Variants in KIAA1217 observed in about 807,000 individuals in gnomAD.
KIAA1217 encodes KIAA1217.
Under a neutral mutation model 163.9 loss-of-function variants are expected in KIAA1217, and 88 were observed. The ratio of observed to expected loss-of-function variants is 0.54; its 90% CI spans 0.45 to 0.64. The LOEUF (loss-of-function observed/expected upper bound fraction) is 0.64, where lower values mean the gene tolerates loss of function less well. KIAA1217 is among the 30% of genes least tolerant of loss of function. The probability of loss-of-function intolerance (pLI) is 0.00; values close to 1 mark genes in which losing one functional copy is unlikely to be tolerated. For synonymous variants in KIAA1217, 903 were observed against 923.1 expected, an observed-to-expected ratio of 0.98 and a Z score of 0.39; for missense variants, 2,372 against 2,475.0, an observed-to-expected ratio of 0.96 and a Z score of 0.88.
At chr10:24,223,372 TTTCCACTCTTTTTCTCCTACCACCCA>T (rs2069941827) in intron 2 of KIAA1217, among the ~76,000 whole-genome samples, 1 of 152,166 alleles carries the variant, frequency 6.6e-6, no homozygotes, top group African/African-American at 2.4e-5. Flanking sequence ...TCTTCTGTCT[TTTCCACTCTTTTTCTCCTACCACCCA>T]TTTCCTCTTT....
intron 1 of KIAA1217, among the ~76,000 whole-genome samples, chr10:23,706,871 G>A (rs1836920200): frequency 6.6e-6 from 1 of 152,124 alleles, no homozygotes; most frequent in Non-Finnish European, 1.5e-5. Flanking sequence ...TCAGCAGTAT[G>A]GAAGAGGGGA....
intron 1 of KIAA1217, among the ~76,000 whole-genome samples, chr10:23,830,497 C>T (rs918227885): frequency 2.0e-4 from 30 of 152,084 alleles, no homozygotes; most frequent in Non-Finnish European, 3.2e-4. Context: ...CTTTTAAGAG[C>T]CTTCTGTCTC....
intron 1 of KIAA1217, among the ~76,000 whole-genome samples, chr10:23,995,440 C>T (rs144414107): frequency 1.1e-3 from 156 of 142,358 alleles, no homozygotes; most frequent in African/African-American, 4.0e-3. Context: ...CCATTACAGC[C>T]AATTATGGCC....
In KIAA1217 at chr10:23,740,938, A is replaced by G. The variant is rs7093202; in HGVS notation, c.-321+45704A>G. Among the ~76,000 whole-genome samples the G allele has an allele frequency of 5.0e-3, 767 of 152,268 alleles. 4 individuals are homozygous for G. Among genetic ancestry groups the G allele is most frequent in the Middle Eastern group, 0.02 (6 of 294 alleles). On this transcript the variant is annotated intron_variant, in intron 1 of 18. Transcript: ENST00000376462. ...GCAAGACTCTGTCTCAAAAACAACA[A>G]CAACAAAAAACAGGAACAATAAAAA...
chr10:24,464,078 TG>T (rs2062698101), intron 5 of KIAA1217, among the ~76,000 whole-genome samples: 1 of 152,192 alleles, frequency 6.6e-6, no homozygotes, highest in Admixed American at 6.5e-5. Context: ...ATAAAGCCAC[TG>T]GGTCCTAGAT....
intron 3 of KIAA1217, among the ~76,000 whole-genome samples, chr10:24,404,566 C>CAAAA (rs57209065): frequency 1.6e-4 from 8 of 51,178 alleles, no homozygotes; most frequent in Admixed American, 2.9e-4. Flanking sequence ...GACTCTGTCT[C>CAAAA]AAAAAAAAAA....
At chr10:24,498,682 G>A (rs1263598697) in intron 8 of KIAA1217, among the ~76,000 whole-genome samples, 3 of 152,166 alleles carry the variant, frequency 2.0e-5, no homozygotes, top group East Asian at 3.9e-4. Flanking sequence ...TTAGCCAGAT[G>A]TGGTGGCACA....
chr10:23,852,459 G>A (rs1839401078), intron 1 of KIAA1217, among the ~76,000 whole-genome samples: 1 of 152,166 alleles, frequency 6.6e-6, no homozygotes, highest in Non-Finnish European at 1.5e-5. Flanking sequence ...GATGCCTCCA[G>A]CTTTGTTCTT....
chr10:24,072,174 T>G lies in KIAA1217; in HGVS notation c.-171+64800T>G, dbSNP rs571489151. 5.7e-4 allele frequency among the ~76,000 whole-genome samples: 86 copies of G among 152,170 alleles called. 1 individual carries two copies. The highest frequency in any genetic ancestry group is 1.1e-3 in the Admixed American group (17 of 15,290). On this transcript the variant is annotated intron_variant, in intron 2 of 18. Transcript: ENST00000376462. ...CCAAGGAGTTAGGACTAAAGGCACA[T>G]ACCACCACACCCAGCTAATTATTTT...
intron 1 of KIAA1217, among the ~76,000 whole-genome samples, chr10:23,853,590 TACCAATTC>T (rs1564477593): frequency 1.3e-5 from 2 of 152,206 alleles, no homozygotes; most frequent in Non-Finnish European, 2.9e-5. Context: ...GAAGGAATGG[TACCAATTC>T]CTCCTTGTAC....
intron 1 of KIAA1217, among the ~76,000 whole-genome samples, chr10:23,848,300 T>C (rs144215777): frequency 2.6e-4 from 40 of 152,216 alleles, no homozygotes; most frequent in African/African-American, 9.6e-4. Context: ...TTGTCTAATA[T>C]TGACAGTGGG....
intron 2 of KIAA1217, among the ~76,000 whole-genome samples, chr10:24,107,275 A>G (rs2062669401): frequency 6.6e-6 from 1 of 152,242 alleles, no homozygotes; most frequent in Admixed American, 6.5e-5. Flanking sequence ...TTCTTTATCC[A>G]GTTCACTATT....
At chr10:23,874,171 C>T (rs77044322) in intron 1 of KIAA1217, among the ~76,000 whole-genome samples, 12,167 of 152,078 alleles carry the variant, frequency 0.08, 665 homozygotes, top group Middle Eastern at 0.16. Context: ...AGCTATCACA[C>T]CTCCAGCCCA....
chr10:23,848,383 G>A (rs1839143209), intron 1 of KIAA1217, among the ~76,000 whole-genome samples: 1 of 151,868 alleles, frequency 6.6e-6, no homozygotes, highest in Non-Finnish European at 1.5e-5. Flanking sequence ...TTTGTATTAT[G>A]AGTGTTCATA....
At chr10:24,483,982 C>T (rs1380233101) in intron 6 of KIAA1217, among the ~76,000 whole-genome samples, 1 of 151,806 alleles carries the variant, frequency 6.6e-6, no homozygotes, top group Non-Finnish European at 1.5e-5. Flanking sequence ...CACAGAGAGC[C>T]CTGGATCCGA....
At chr10:24,066,221 C>A (rs553469395) in intron 2 of KIAA1217, among the ~76,000 whole-genome samples, 4 of 152,274 alleles carry the variant, frequency 2.6e-5, no homozygotes, top group Non-Finnish European at 5.9e-5. Flanking sequence ...TTAGTTGATG[C>A]AGTTTCTTCC....
chr10:24,252,639 GA>G (rs907864806), intron 2 of KIAA1217, among the ~76,000 whole-genome samples: 113 of 148,586 alleles, frequency 7.6e-4, no homozygotes, highest in African/African-American at 2.5e-3. Flanking sequence ...ATCAGATTTG[GA>G]AAAAAAAAAT....
intron 1 of KIAA1217, among the ~76,000 whole-genome samples, chr10:23,946,940 G>A (rs1231737867): frequency 6.6e-6 from 1 of 152,074 alleles, no homozygotes; most frequent in Non-Finnish European, 1.5e-5. Context: ...TTGAATCATG[G>A]GGGTGGTTAC....
chr10:24,442,861 A>T (rs1591981099), intron 5 of KIAA1217, among the ~76,000 whole-genome samples: 1 of 151,510 alleles, frequency 6.6e-6, no homozygotes, highest in Non-Finnish European at 1.5e-5. Context: ...CTGTACCAGT[A>T]TTCTTACAAT....
Sources: allele counts gnomAD v4.1 joint callset (sites outside exome capture counted in the v4.1 genomes callset), GRCh38; gene constraint gnomAD v4.1.1; transcripts MANE v1.5; gene names NCBI Gene and HGNC (gene_info 2026-07-23, HGNC 2026-07-21).